Variants in SHANK2 observed in about 807,000 individuals in gnomAD.
The protein encoded by SHANK2 is SH3 and multiple ankyrin repeat domains 2, also known as SH3 and multiple ankyrin repeat domains protein 2.
A neutral mutation model predicts 133.7 loss-of-function variants in SHANK2; 43 were observed. The observed-to-expected ratio is 0.32, with a 90% CI of 0.25 to 0.41. SHANK2 has a LOEUF of 0.41. Among genes scored for constraint, SHANK2 ranks in the 10% least tolerant of loss-of-function variants. SHANK2 has a pLI of 1.00. For missense variants in SHANK2, 1,994 were observed against 2,235.8 expected (o/e 0.89, Z 2.18); for synonymous variants, 1,017 against 952.8 (o/e 1.07, Z -1.24).
chr11:70,727,370 A>G (rs1369078622), intron 14 of SHANK2, among the ~76,000 whole-genome samples: 1 of 152,236 alleles, frequency 6.6e-6, no homozygotes, highest in African/African-American at 2.4e-5. Context: ...GTCTTTCTCC[A>G]GAGACAGCAG....
intron 8 of SHANK2, among the ~76,000 whole-genome samples, chr11:71,081,734 A>T (rs891978814): frequency 6.6e-6 from 1 of 152,158 alleles, no homozygotes; most frequent in Non-Finnish European, 1.5e-5. Flanking sequence ...GCCAGGCCAG[A>T]GGGGCTCAGA....
chr11:70,942,145 C>A (rs1318806103), intron 10 of SHANK2, among the ~76,000 whole-genome samples: 1 of 152,022 alleles, frequency 6.6e-6, no homozygotes, highest in Non-Finnish European at 1.5e-5. Context: ...TGAGATCACA[C>A]CACTGCACTT....
intron 17 of SHANK2, among the ~76,000 whole-genome samples, chr11:70,649,689 T>A (rs1372050636): frequency 6.6e-6 from 1 of 152,112 alleles, no homozygotes; most frequent in Non-Finnish European, 1.5e-5. Flanking sequence ...AATGGGTGCA[T>A]CAGAGGACCT....
intron 17 of SHANK2, among the ~76,000 whole-genome samples, chr11:70,629,520 C>T (rs549885208): frequency 1.3e-3 from 202 of 152,238 alleles, no homozygotes; most frequent in Admixed American, 2.2e-3. Context: ...TGCGGGCCAC[C>T]GTGACCCTGG....
At chr11:70,935,158 T>C (rs1225469093) in intron 10 of SHANK2, among the ~76,000 whole-genome samples, 1 of 152,144 alleles carries the variant, frequency 6.6e-6, no homozygotes, top group Admixed American at 6.5e-5. Flanking sequence ...TGTGATGAAA[T>C]CTTGCCTCCT....
intron 3 of SHANK2, among the ~76,000 whole-genome samples, chr11:71,132,144 G>A (rs1348229404): frequency 6.6e-6 from 1 of 152,228 alleles, no homozygotes; most frequent in East Asian, 1.9e-4. Flanking sequence ...GGTGTGGGAG[G>A]CCTTGTCCGC....
chr11:71,227,581 T>C (rs980083906), intron 1 of SHANK2, among the ~76,000 whole-genome samples: 4 of 151,088 alleles, frequency 2.6e-5, no homozygotes, highest in Non-Finnish European at 3.0e-5. Context: ...TGGATAGAAC[T>C]GAAGAAAGAA....
At chr11:70,679,059 C>T (rs1944969399) in intron 15 of SHANK2, among the ~76,000 whole-genome samples, 1 of 152,164 alleles carries the variant, frequency 6.6e-6, no homozygotes, top group South Asian at 2.1e-4. Flanking sequence ...GAAGAAGACA[C>T]CAGGCCCGTA....
At chr11:70,738,581 G>T (rs1031560285) in intron 14 of SHANK2, among the ~76,000 whole-genome samples, 22 of 152,192 alleles carry the variant, frequency 1.4e-4, no homozygotes, top group Non-Finnish European at 2.9e-4. Flanking sequence ...GTCTGTTTAG[G>T]CCCAAACTTA....
At chr11:70,736,736 T>A (rs546205409) in intron 14 of SHANK2, among the ~76,000 whole-genome samples, 1 of 152,184 alleles carries the variant, frequency 6.6e-6, no homozygotes, top group Non-Finnish European at 1.5e-5. Flanking sequence ...ACGGCTTCAT[T>A]CCATGGCGGC....
chr11:70,519,905 ATT>A (rs781977357), intron 17 of SHANK2, among the ~76,000 whole-genome samples: 65 of 121,412 alleles, frequency 5.4e-4, no homozygotes, highest in Non-Finnish European at 5.4e-4. Context: ...ACCATGCCTA[ATT>A]TTTTTTTTTT....
At chr11:71,127,666 G>A (rs2135312568) in intron 3 of SHANK2, among the ~76,000 whole-genome samples, 1 of 152,242 alleles carries the variant, frequency 6.6e-6, no homozygotes, top group South Asian at 2.1e-4. Context: ...TGCTTTTTTA[G>A]ACATGATGCT....
intron 2 of SHANK2, among the ~76,000 whole-genome samples, chr11:71,200,044 T>A (rs1953986994): frequency 6.6e-6 from 1 of 152,250 alleles, no homozygotes. Flanking sequence ...TAATGGTTTT[T>A]AGCCATGTTG....
intron 17 of SHANK2, among the ~76,000 whole-genome samples, chr11:70,600,654 G>A (rs2060483098): frequency 6.6e-6 from 1 of 152,054 alleles, no homozygotes; most frequent in Non-Finnish European, 1.5e-5. Context: ...TGGAAGTTTG[G>A]TTTATGACGC....
chr11:70,874,847 C>T (rs1949531539), intron 11 of SHANK2, among the ~76,000 whole-genome samples: 1 of 152,084 alleles, frequency 6.6e-6, no homozygotes, highest in Admixed American at 6.6e-5. Context: ...TCAAATCTAC[C>T]GTGTAATAGC....
intron 17 of SHANK2, among the ~76,000 whole-genome samples, chr11:70,565,314 G>A (rs781691747): frequency 5.3e-5 from 8 of 152,158 alleles, no homozygotes; most frequent in Non-Finnish European, 1.2e-4. Flanking sequence ...GTGCGATCTC[G>A]GCTCACCGCA....
At chr11:70,520,011 G>A (rs1565092834) in intron 17 of SHANK2, among the ~76,000 whole-genome samples, 1 of 151,278 alleles carries the variant, frequency 6.6e-6, no homozygotes, top group Non-Finnish European at 1.5e-5. Context: ...GCCTCCCAAA[G>A]TGTTGGGATG....
At chr11:71,120,565 T>C (rs1555101289) in intron 3 of SHANK2, among the ~76,000 whole-genome samples, 1 of 152,154 alleles carries the variant, frequency 6.6e-6, no homozygotes. Flanking sequence ...CCTGACCCTG[T>C]GCACAAAAGC....
intron 2 of SHANK2, among the ~76,000 whole-genome samples, chr11:71,218,680 A>G (rs561440286): frequency 6.6e-6 from 1 of 152,158 alleles, no homozygotes; most frequent in East Asian, 1.9e-4. Context: ...CAGAACACCT[A>G]CACACCCAAT....
Sources: allele counts gnomAD v4.1 joint callset (sites outside exome capture counted in the v4.1 genomes callset), GRCh38; gene constraint gnomAD v4.1.1; transcripts MANE v1.5; gene names NCBI Gene and HGNC (gene_info 2026-07-23, HGNC 2026-07-21).